NRG3: variants seen among roughly 807,000 people sequenced by gnomAD.
The protein encoded by NRG3 is neuregulin 3.
In NRG3, 31 loss-of-function variants were observed where a neutral mutation model predicts 66.9. The observed-to-expected ratio is 0.46, with a 90% confidence interval of 0.35 to 0.63. The LOEUF (loss-of-function observed/expected upper bound fraction) is 0.63. Among genes scored for constraint, NRG3 ranks in the 20% least tolerant of loss-of-function variants. NRG3 has a pLI of 0.00. For synonymous variants in NRG3, 393 were observed against 359.4 expected (o/e 1.09, Z -1.06); for missense variants, 910 against 878.9 (o/e 1.04, Z -0.45).
Position 82,485,186 on chromosome 10 carries a change from A to G in NRG3, c.953+126318A>G, listed in dbSNP as rs1165044757. Reference sequence around the variant, plus strand: ...TAGGGCTCAGGAACTTAACTACACAACTGTGTCCCCACTATAACCCTGCTC... The same window carrying G: ...TAGGGCTCAGGAACTTAACTACACAGCTGTGTCCCCACTATAACCCTGCTC... On this transcript the variant is annotated intron_variant, in intron 2 of 8. Transcript: ENST00000372141. Among the ~76,000 whole-genome samples, 4 of 151,912 alleles carry G rather than the reference A, an allele frequency of 2.6e-5. No homozygotes were observed. The South Asian group carries it at 6.2e-4, about 24-fold the overall frequency.
chr10:82,978,083 G>A (rs976781429), intron 7 of NRG3, among the ~76,000 whole-genome samples: 3 of 152,080 alleles, frequency 2.0e-5, no homozygotes, highest in East Asian at 1.9e-4. Flanking sequence ...CTAGCATCTC[G>A]TGGAATGTCT....
chr10:82,788,783 AT>A (rs58959334), intron 3 of NRG3, among the ~76,000 whole-genome samples: 5,320 of 150,714 alleles, frequency 0.035, 345 homozygotes, highest in African/African-American at 0.12. Flanking sequence ...CAAAAAAAAA[AT>A]TTTTTTTTTA....
chr10:82,735,150 A>G (rs1049520706), intron 2 of NRG3, among the ~76,000 whole-genome samples: 2 of 152,212 alleles, frequency 1.3e-5, no homozygotes, highest in Non-Finnish European at 2.9e-5. Flanking sequence ...AGACTTTTTT[A>G]AAAACAATTA....
intron 1 of NRG3, among the ~76,000 whole-genome samples, chr10:81,944,128 A>T (rs966578626): frequency 6.6e-6 from 1 of 152,196 alleles, no homozygotes; most frequent in Non-Finnish European, 1.5e-5. Context: ...CCTGTTTTTA[A>T]CTTCAGACCT....
chr10:82,661,473 G>C (rs967614050), intron 2 of NRG3, among the ~76,000 whole-genome samples: 6 of 150,688 alleles, frequency 4.0e-5, no homozygotes, highest in Non-Finnish European at 8.9e-5. Flanking sequence ...TATATATACA[G>C]AGAGGCATAT....
At chr10:82,335,305 C>T (rs531172508) in intron 1 of NRG3, among the ~76,000 whole-genome samples, 3 of 152,160 alleles carry the variant, frequency 2.0e-5, no homozygotes, top group Non-Finnish European at 4.4e-5. Flanking sequence ...CCAATGATGG[C>T]TCAGCAGAAT....
chr10:82,035,893 A>G (rs932870758), intron 1 of NRG3, among the ~76,000 whole-genome samples: 5 of 152,184 alleles, frequency 3.3e-5, no homozygotes, highest in African/African-American at 1.2e-4. Context: ...AACAAAACAC[A>G]TAGATTGGGC....
At chr10:82,039,367 A>G (rs1418559324) in intron 1 of NRG3, among the ~76,000 whole-genome samples, 3 of 152,114 alleles carry the variant, frequency 2.0e-5, no homozygotes, top group African/African-American at 4.8e-5. Context: ...CGATTTCAGT[A>G]TCAGAGACTA....
intron 2 of NRG3, among the ~76,000 whole-genome samples, chr10:82,421,491 C>T (rs1027129271): frequency 6.6e-6 from 1 of 151,962 alleles, no homozygotes; most frequent in Admixed American, 6.6e-5. Flanking sequence ...AAAGACTTTG[C>T]ACTCAGTTAC....
chr10:82,620,518 C>T (rs768575624), intron 2 of NRG3, among the ~76,000 whole-genome samples: 13 of 152,118 alleles, frequency 8.5e-5, no homozygotes, highest in Non-Finnish European at 1.5e-4. Flanking sequence ...AGCCATCCCT[C>T]TGAAGTCAAG....
chr10:81,891,796 CT>C (rs1287441554), intron 1 of NRG3, among the ~76,000 whole-genome samples: 3 of 152,142 alleles, frequency 2.0e-5, no homozygotes, highest in African/African-American at 7.2e-5. Context: ...ACTACTTGAT[CT>C]CTAGAATTTC....
chr10:82,115,743 T>G (rs971360364), intron 1 of NRG3, among the ~76,000 whole-genome samples: 1 of 152,146 alleles, frequency 6.6e-6, no homozygotes, highest in African/African-American at 2.4e-5. Flanking sequence ...GGTCCTGTTA[T>G]AGAAAAGTTC....
chr10:81,950,808 T>C (rs1160218877), intron 1 of NRG3, among the ~76,000 whole-genome samples: 2 of 152,230 alleles, frequency 1.3e-5, no homozygotes, highest in Non-Finnish European at 2.9e-5. Flanking sequence ...ATGGAAAGAA[T>C]GATACATTCA....
In NRG3 at chr10:82,414,267, G is replaced by A. The variant is rs565676042; in HGVS notation, c.953+55399G>A. 3.3e-5 allele frequency among the ~76,000 whole-genome samples: 5 copies of A among 152,230 alleles called. No homozygotes were observed. The South Asian group carries it at 6.2e-4, about 19-fold the overall frequency. On this transcript the variant is annotated intron_variant, in intron 2 of 8. Coordinates refer to ENST00000372141, the MANE Select transcript of NRG3 (RefSeq NM_001010848.4). Reference sequence around the variant, plus strand: ...GCCTAATTTTAATATTGTGTGTCAGGAAATAGGTAGACTGAGAAGAGGGAG... The same window carrying A: ...GCCTAATTTTAATATTGTGTGTCAGAAAATAGGTAGACTGAGAAGAGGGAG...
At chr10:82,775,434 A>G (rs895547943) in intron 3 of NRG3, among the ~76,000 whole-genome samples, 8 of 152,116 alleles carry the variant, frequency 5.3e-5, no homozygotes, top group African/African-American at 1.7e-4. Context: ...TCCTTCTGTT[A>G]TTGATATCTA....
chr10:82,707,596 G>A (rs1025247053), intron 2 of NRG3, among the ~76,000 whole-genome samples: 1 of 150,862 alleles, frequency 6.6e-6, no homozygotes, highest in African/African-American at 2.4e-5. Flanking sequence ...GACTTACTCT[G>A]TTGCCCAGGC....
intron 2 of NRG3, among the ~76,000 whole-genome samples, chr10:82,402,485 C>T (rs1051928156): frequency 6.6e-6 from 1 of 152,156 alleles, no homozygotes; most frequent in Non-Finnish European, 1.5e-5. Context: ...CAAGCAGGTT[C>T]CTCAGGTACA....
Position 82,092,665 on chromosome 10 carries a change from A to T in NRG3, c.823+216502A>T, listed in dbSNP as rs184793339. Among the ~76,000 whole-genome samples the T allele has an allele frequency of 2.6e-5, 4 of 152,266 alleles. No homozygotes were observed. In the East Asian group the frequency reaches 7.7e-4, roughly 29 times the overall value. ...GCACTATGAAATTTGTTTGGATTAT[A>T]TGTTGAAGGACATTTGTAGAGCAAA... On this transcript the variant is annotated intron_variant, in intron 1 of 8. Coordinates refer to ENST00000372141, the MANE Select transcript of NRG3 (RefSeq NM_001010848.4).
At chr10:82,828,254 G>T (rs2062339434) in intron 3 of NRG3, among the ~76,000 whole-genome samples, 1 of 152,188 alleles carries the variant, frequency 6.6e-6, no homozygotes, top group Non-Finnish European at 1.5e-5. Context: ...AATGTACAAA[G>T]TTCATTGTCC....
Sources: allele counts gnomAD v4.1 joint callset (sites outside exome capture counted in the v4.1 genomes callset), GRCh38; gene constraint gnomAD v4.1.1; transcripts MANE v1.5; gene names NCBI Gene and HGNC (gene_info 2026-07-23, HGNC 2026-07-21).